Variants in FOXP1 observed in about 807,000 individuals in gnomAD.
FOXP1 encodes the protein forkhead box P1.
Under a neutral mutation model 98.2 loss-of-function variants are expected in FOXP1, and 15 were observed. That is an observed-to-expected ratio of 0.15 (90% CI 0.10 to 0.24). The LOEUF (loss-of-function observed/expected upper bound fraction) is 0.24. Among genes scored for constraint, FOXP1 ranks in the 10% least tolerant of loss-of-function variants. The probability of loss-of-function intolerance (pLI) is 1.00; values close to 1 mark genes in which losing one functional copy is unlikely to be tolerated. For synonymous variants in FOXP1, 371 were observed against 314.5 expected (o/e 1.18, Z -1.90); for missense variants, 633 against 848.5 (o/e 0.75, Z 3.15).
At chr3:71,422,423 T>C (rs1401640590) in intron 3 of FOXP1, among the ~76,000 whole-genome samples, 1 of 152,208 alleles carries the variant, frequency 6.6e-6, no homozygotes, top group Non-Finnish European at 1.5e-5. Flanking sequence ...AGACCCTGCA[T>C]TTCTAATAAG....
At chr3:71,070,985 C>G (rs775219398) in intron 7 of FOXP1, among the ~76,000 whole-genome samples, 18 of 152,172 alleles carry the variant, frequency 1.2e-4, no homozygotes, top group Non-Finnish European at 2.5e-4. Flanking sequence ...GGAATCCCCT[C>G]CAAGATAATT....
intron 3 of FOXP1, among the ~76,000 whole-genome samples, chr3:71,393,313 C>T (rs775989719): frequency 1.5e-4 from 22 of 151,496 alleles, no homozygotes; most frequent in Non-Finnish European, 2.9e-4. Context: ...AAAATTGATC[C>T]TCAGTTTTTT....
chr3:71,582,096 G>A (rs1232518887), intron 1 of FOXP1: 3 of 981,076 alleles, frequency 3.1e-6, no homozygotes, highest in Non-Finnish European at 3.6e-6. Context: ...TGCAGGCAGC[G>A]ATTTCGAAGC....
intron 3 of FOXP1, among the ~76,000 whole-genome samples, chr3:71,467,479 T>C (rs2088888695): frequency 6.6e-6 from 1 of 152,210 alleles, no homozygotes. Context: ...AATACATTAT[T>C]CTAAGACACG....
chr3:71,055,087 T>C (rs1559829401), intron 7 of FOXP1, among the ~76,000 whole-genome samples: 1 of 152,230 alleles, frequency 6.6e-6, no homozygotes, highest in Admixed American at 6.5e-5. Flanking sequence ...TGTAACATAA[T>C]GTCTTAATAT....
intron 4 of FOXP1, among the ~76,000 whole-genome samples, chr3:71,322,654 T>G (rs1435444612): frequency 6.6e-6 from 1 of 152,080 alleles, no homozygotes; most frequent in Non-Finnish European, 1.5e-5. Context: ...AGGGGTAAAC[T>G]ATTCTTGGTG....
At chr3:71,345,998 C>T (rs76820531) in intron 4 of FOXP1, among the ~76,000 whole-genome samples, 3,185 of 151,006 alleles carry the variant, frequency 0.021, 120 homozygotes, top group African/African-American at 0.073. Flanking sequence ...TCAGAGAGAG[C>T]CGAAGAAAAA....
intron 5 of FOXP1, among the ~76,000 whole-genome samples, chr3:71,205,837 G>A (rs1039516239): frequency 1.3e-5 from 2 of 152,156 alleles, no homozygotes; most frequent in African/African-American, 4.8e-5. Context: ...GATGACCAAC[G>A]CAAGCAAGGA....
At chr3:71,097,458 TA>T (rs1393177631) in intron 7 of FOXP1, among the ~76,000 whole-genome samples, 3 of 152,188 alleles carry the variant, frequency 2.0e-5, no homozygotes, top group Admixed American at 6.5e-5. Flanking sequence ...GAAATTTTGT[TA>T]ATCCCTGATC....
At chr3:71,564,854 C>G (rs2046793133) in intron 2 of FOXP1, among the ~76,000 whole-genome samples, 1 of 152,140 alleles carries the variant, frequency 6.6e-6, no homozygotes, top group South Asian at 2.1e-4. Flanking sequence ...GTGGCTCAGG[C>G]CTGTAATCTC....
At chr3:71,074,930 G>A (rs531301819) in intron 7 of FOXP1, among the ~76,000 whole-genome samples, 4 of 152,262 alleles carry the variant, frequency 2.6e-5, no homozygotes, top group African/African-American at 7.2e-5. Flanking sequence ...CTCCACTGCT[G>A]GAAAGAGAGA....
chr3:71,266,821 T>C (rs2069717200), intron 5 of FOXP1, among the ~76,000 whole-genome samples: 1 of 152,194 alleles, frequency 6.6e-6, no homozygotes, highest in Non-Finnish European at 1.5e-5. Flanking sequence ...GAACATGTGG[T>C]ACTTGATTTT....
chr3:71,286,466 T>C (rs1160689674), intron 5 of FOXP1, among the ~76,000 whole-genome samples: 2 of 152,198 alleles, frequency 1.3e-5, no homozygotes, highest in African/African-American at 4.8e-5. Context: ...GCTGTAACTT[T>C]TTTAATTTTA....
chr3:71,102,302 T>G (rs1257787712), intron 7 of FOXP1, among the ~76,000 whole-genome samples: 1 of 152,138 alleles, frequency 6.6e-6, no homozygotes, highest in Non-Finnish European at 1.5e-5. Flanking sequence ...CATAATAAAT[T>G]TTTACAATAT....
chr3:71,396,800 C>T lies in FOXP1; in HGVS notation c.-167-37556G>A, dbSNP rs141895084. Among the ~76,000 whole-genome samples the T allele has an allele frequency of 2.4e-3, 358 of 149,262 alleles. 2 individuals are homozygous for T. The highest frequency in any genetic ancestry group is 8.7e-3 in the African/African-American group (346 of 39,794). ...TGAGATTGGGCATGTCTCACACCCA[C>T]GAATACAGCCCTGATTCTAAGTGTT... is the stretch of plus-strand genomic sequence containing the variant. On this transcript the variant is annotated intron_variant, in intron 3 of 20. Coordinates refer to ENST00000649528, the MANE Select transcript of FOXP1 (RefSeq NM_001349338.3).
chr3:71,209,702 G>A (rs2064310706), intron 5 of FOXP1, among the ~76,000 whole-genome samples: 1 of 152,142 alleles, frequency 6.6e-6, no homozygotes, highest in Non-Finnish European at 1.5e-5. Flanking sequence ...TTTCCCTGAT[G>A]TGCACTACCA....
At chr3:71,255,889 G>A (rs1385578204) in intron 5 of FOXP1, among the ~76,000 whole-genome samples, 1 of 152,052 alleles carries the variant, frequency 6.6e-6, no homozygotes, top group African/African-American at 2.4e-5. Flanking sequence ...AAATTAAACA[G>A]CACCCCTATA....
At chr3:70,996,204 G>A (rs543631158) in intron 13 of FOXP1, among the ~76,000 whole-genome samples, 2 of 152,038 alleles carry the variant, frequency 1.3e-5, no homozygotes, top group Admixed American at 1.3e-4. Flanking sequence ...GGCTGGTCTC[G>A]AACTCCCGAC....
At chr3:71,258,851 T>C (rs1183749108) in intron 5 of FOXP1, among the ~76,000 whole-genome samples, 2 of 152,036 alleles carry the variant, frequency 1.3e-5, no homozygotes, top group Non-Finnish European at 2.9e-5. Flanking sequence ...GCCCTAAGAA[T>C]GGGATGGGCT....
Sources: gnomAD v4.1 joint callset for allele counts (sites outside exome capture counted in the v4.1 genomes callset) on GRCh38, gnomAD v4.1.1 for gene constraint, MANE v1.5 for transcripts, NCBI Gene and HGNC (gene_info 2026-07-23, HGNC 2026-07-21) for gene names.